Variants in DOCK5 observed in about 807,000 individuals in gnomAD.
DOCK5 encodes the protein dedicator of cytokinesis protein 5.
Under a neutral mutation model 251.8 loss-of-function variants are expected in DOCK5, and 142 were observed. That is an observed-to-expected ratio of 0.56 (90% CI 0.49 to 0.65). The LOEUF (loss-of-function observed/expected upper bound fraction) is 0.65. DOCK5 is among the 30% of genes least tolerant of loss of function. The pLI, the probability that DOCK5 is intolerant of heterozygous loss-of-function variation, is 0.00. For synonymous variants in DOCK5, 842 were observed against 835.5 expected (o/e 1.01, Z -0.13); for missense variants, 2,111 against 2,312.3 (o/e 0.91, Z 1.79).
chr8:25,210,008 T>TCA lies in DOCK5; in HGVS notation c.43+25057_43+25058insCA. 7.3e-5 allele frequency among the ~76,000 whole-genome samples: 2 copies of TCA among 27,212 alleles called. 1 individual carries two copies. Among genetic ancestry groups the TCA allele is most frequent in the African/African-American group, 2.2e-4 (2 of 9,296 alleles). The allele number at this position is 27,212 out of a possible 152,430, so 17.9% of individuals were successfully genotyped here. ...GGCACATGCCACCATCCCCGGCTAA[T>TCA]TATATATATATATATATATATATAT... On this transcript the variant is annotated intron_variant, in intron 1 of 51. Transcript: ENST00000276440.
At chr8:25,345,681 C>T (rs188723059) in intron 26 of DOCK5, 70 bp downstream of exon 26, 1,167 of 1,571,106 alleles carry the variant, frequency 7.4e-4, no homozygotes, top group Non-Finnish European at 9.1e-4. Flanking sequence ...GGAGTGACTC[C>T]GTGGCCTTCC....
At position 25,258,788 on chromosome 8, in the gene DOCK5, G is replaced by A. The variant is rs73673875; in HGVS notation, c.128-10057G>A. On this transcript the variant is annotated intron_variant, in intron 2 of 51. Coordinates refer to ENST00000276440, the MANE Select transcript of DOCK5 (RefSeq NM_024940.8). ...TTTACTCAGTGCCTGCTGCATGCCA[G>A]GCACTGCGAAGGACAGTTCCCTGTT... 3.1e-3 allele frequency among the ~76,000 whole-genome samples: 473 copies of A among 152,272 alleles called. 2 individuals are homozygous for A. The highest frequency in any genetic ancestry group is 0.011 in the African/African-American group (445 of 41,542).
intron 45 of DOCK5, among the ~76,000 whole-genome samples, chr8:25,398,284 A>G (rs984074902): frequency 6.6e-6 from 1 of 152,252 alleles, no homozygotes; most frequent in African/African-American, 2.4e-5. Context: ...GTAAAAGTCA[A>G]TGAAAACTTA....
At chr8:25,198,310 C>A (rs1801785242) in intron 1 of DOCK5, among the ~76,000 whole-genome samples, 1 of 152,156 alleles carries the variant, frequency 6.6e-6, no homozygotes, top group Non-Finnish European at 1.5e-5. Flanking sequence ...GTGTCTCATA[C>A]CTGTGATCCC....
intron 2 of DOCK5, among the ~76,000 whole-genome samples, chr8:25,255,590 C>G (rs1183278129): frequency 6.6e-6 from 1 of 152,128 alleles, no homozygotes; most frequent in Non-Finnish European, 1.5e-5. Context: ...CTGTATGATA[C>G]TGTAATGGTG....
intron 1 of DOCK5, among the ~76,000 whole-genome samples, chr8:25,192,222 A>G (rs1482444377): frequency 6.6e-6 from 1 of 151,664 alleles, no homozygotes; most frequent in African/African-American, 2.4e-5. Context: ...AATGTGCCAC[A>G]ATAAACATAC....
At chr8:25,406,268 T>C (rs1490287533) in intron 48 of DOCK5, among the ~76,000 whole-genome samples, 1 of 152,206 alleles carries the variant, frequency 6.6e-6, no homozygotes, top group Non-Finnish European at 1.5e-5. Flanking sequence ...CTGTTTATTT[T>C]TTATACAAGT....
intron 1 of DOCK5, among the ~76,000 whole-genome samples, chr8:25,191,249 A>G (rs376135794): frequency 6.6e-6 from 1 of 152,018 alleles, no homozygotes; most frequent in Non-Finnish European, 1.5e-5. Context: ...TTCTCTCGTT[A>G]GTGGAGTTTT....
intron 1 of DOCK5, among the ~76,000 whole-genome samples, chr8:25,202,141 C>A (rs1026566360): frequency 5.3e-5 from 8 of 152,132 alleles, no homozygotes; most frequent in African/African-American, 1.9e-4. Context: ...CTCAGCCTCC[C>A]CAAGTAGCTG....
In DOCK5 at chr8:25,348,964, A is replaced by G. The variant is rs566991763; in HGVS notation, c.2755-2767A>G. The stretch of plus-strand genomic sequence containing the variant: ...GGCACAGCGTGTAACTTGCACAACT[A>G]TTTAGGGCCACACTAAGGAAATGTT... On this transcript the variant is annotated intron_variant, in intron 26 of 51. Coordinates refer to ENST00000276440, the MANE Select transcript of DOCK5 (RefSeq NM_024940.8). Among the ~76,000 whole-genome samples the G allele has an allele frequency of 2.0e-5, 3 of 152,260 alleles. No individual in the cohort carries two copies. The South Asian group carries it at 6.2e-4, about 32-fold the overall frequency.
At position 25,372,623 on chromosome 8, in the gene DOCK5, G is replaced by T. The variant is rs763695534; in HGVS notation, c.3589G>T (p.Val1197Phe). 1.2e-6 allele frequency: 2 copies of T among 1,608,420 alleles called. No homozygotes were observed. The highest frequency in any genetic ancestry group is 1.7e-6 in the Non-Finnish European group (2 of 1,177,728). The change falls in exon 35 of 52, where the codon GTC (valine) becomes TTC (phenylalanine). Residue 1197 changes from valine (V) to phenylalanine (F), a missense_variant. Transcript: ENST00000276440. ...SSSGEVFALLVSSLLENLLDY... is the reference protein window; with the variant it reads ...SSSGEVFALLFSSLLENLLDY... ...CTCTGGGGAGGTCTTCGCCCTCCTG[G>T]TCAGCAGCCTCTTAGAGAACCTGCT...
intron 25 of DOCK5, among the ~76,000 whole-genome samples, chr8:25,344,275 TAA>T (rs1800317631): frequency 6.6e-6 from 1 of 152,230 alleles, no homozygotes; most frequent in South Asian, 2.1e-4. Context: ...AAAGCTGATA[TAA>T]ACAGGAGGTC....
At chr8:25,245,348 G>A (rs578149442) in intron 2 of DOCK5, among the ~76,000 whole-genome samples, 5 of 152,208 alleles carry the variant, frequency 3.3e-5, no homozygotes, top group African/African-American at 7.2e-5. Flanking sequence ...GAGTCACTGC[G>A]CCCGGCCTAC....
chr8:25,228,988 G>A (rs1007054104), intron 1 of DOCK5, among the ~76,000 whole-genome samples: 6 of 151,456 alleles, frequency 4.0e-5, no homozygotes, highest in African/African-American at 1.2e-4. Context: ...CCCAGCACTC[G>A]GGGAGGCCAA....
At position 25,395,877 on chromosome 8, in the gene DOCK5, T is replaced by A. The variant is rs373659988; in HGVS notation, c.4704+158T>A. On this transcript the variant is annotated intron_variant, in intron 45 of 51. Coordinates refer to ENST00000276440, the MANE Select transcript of DOCK5 (RefSeq NM_024940.8). ...GTGAAGTGAATGAAACGATTGTCCC[T>A]GACTTCTTAGAGACTATCAGCAACC... The A allele has an allele frequency of 3.8e-5, 36 of 955,574 alleles. No individual in the cohort carries two copies. The African/African-American group carries it at 5.0e-4, about 13-fold the overall frequency. 59.2% of individuals were successfully genotyped at this position (955,574 alleles called of 1,614,324 possible). A position where few individuals can be genotyped will look rare whatever the true frequency, so the allele number is the denominator to read the frequency against.
chr8:25,381,977 T>A lies in DOCK5; in HGVS notation c.4027-697T>A, dbSNP rs115339876. On this transcript the variant is annotated intron_variant, in intron 39 of 51. Coordinates refer to ENST00000276440, the MANE Select transcript of DOCK5 (RefSeq NM_024940.8). ...GACACTTTCATCCAGACCACCTGCATGAACTACACAGTCCTTCTTTTTAAA... is the reference window on the plus strand; with the variant it reads ...GACACTTTCATCCAGACCACCTGCAAGAACTACACAGTCCTTCTTTTTAAA... 9.4e-3 allele frequency among the ~76,000 whole-genome samples: 1,433 copies of A among 152,172 alleles called. 25 individuals carry two copies. Among genetic ancestry groups the A allele is most frequent in the African/African-American group, 0.033 (1,368 of 41,512 alleles).
intron 36 of DOCK5, 117 bp from the exon 37 acceptor site, chr8:25,374,447 A>C: frequency 1.0e-6 from 1 of 956,182 alleles, no homozygotes; most frequent in Non-Finnish European, 1.6e-6. Flanking sequence ...GTGAGCCATG[A>C]TCGGACCACT....
intron 1 of DOCK5, among the ~76,000 whole-genome samples, chr8:25,243,142 C>T (rs1802997635): frequency 6.6e-6 from 1 of 152,158 alleles, no homozygotes; most frequent in Non-Finnish European, 1.5e-5. Context: ...GGGACAGGGG[C>T]CATGTCCATG....
chr8:25,255,992 A>G (rs1276376988), intron 2 of DOCK5, among the ~76,000 whole-genome samples: 1 of 152,138 alleles, frequency 6.6e-6, no homozygotes, highest in Non-Finnish European at 1.5e-5. Context: ...TGCCTAAAAA[A>G]CTTGTGTTTT....
Sources: gnomAD v4.1 joint callset for allele counts (sites outside exome capture counted in the v4.1 genomes callset) on GRCh38, gnomAD v4.1.1 for gene constraint, MANE v1.5 for transcripts, NCBI Gene and HGNC (gene_info 2026-07-23, HGNC 2026-07-21) for gene names.